Variants in CAP2 observed in about 807,000 individuals in gnomAD.
The protein encoded by CAP2 is cyclase associated actin cytoskeleton regulatory protein 2, also known as adenylyl cyclase-associated protein 2.
In CAP2, 24 loss-of-function variants were observed where a neutral mutation model predicts 57.7. The ratio of observed to expected loss-of-function variants is 0.42; its 90% CI spans 0.30 to 0.58. CAP2 has a LOEUF of 0.58. CAP2 is among the 20% of genes least tolerant of loss of function. The pLI is 0.22. For synonymous variants in CAP2, 194 were observed against 207.2 expected, an observed-to-expected ratio of 0.94 and a Z score of 0.55; for missense variants, 501 against 590.3, an observed-to-expected ratio of 0.85 and a Z score of 1.57.
intron 4 of CAP2, among the ~76,000 whole-genome samples, chr6:17,499,029 A>C (rs961333489): frequency 6.6e-6 from 1 of 151,410 alleles, no homozygotes; most frequent in Non-Finnish European, 1.5e-5. Context: ...ACGCCCGGCC[A>C]GCTTGCTTTA....
At chr6:17,449,298 C>G (rs1413737823) in intron 3 of CAP2, among the ~76,000 whole-genome samples, 1 of 152,090 alleles carries the variant, frequency 6.6e-6, no homozygotes, top group Non-Finnish European at 1.5e-5. Flanking sequence ...GGATGGTTAT[C>G]TAGTAGTATT....
chr6:17,536,261 A>G (rs1445888876), intron 7 of CAP2: 3 of 456,766 alleles, frequency 6.6e-6, no homozygotes, highest in Non-Finnish European at 1.3e-5. Flanking sequence ...GGAGGCAAAG[A>G]TAAGTGACTT....
intron 4 of CAP2, among the ~76,000 whole-genome samples, chr6:17,477,153 C>T (rs1307261472): frequency 2.6e-5 from 4 of 152,100 alleles, no homozygotes; most frequent in Non-Finnish European, 5.9e-5. Context: ...GGATTACAGG[C>T]GTGAGCCACC....
At chr6:17,461,951 C>A (rs1409986726) in intron 3 of CAP2, among the ~76,000 whole-genome samples, 13 of 122,220 alleles carry the variant, frequency 1.1e-4, no homozygotes, top group Non-Finnish European at 1.9e-4. Context: ...TGAGATCGCA[C>A]CATTGCACTC....
chr6:17,503,878 G>A (rs766562463), intron 4 of CAP2, among the ~76,000 whole-genome samples: 2 of 152,204 alleles, frequency 1.3e-5, no homozygotes, highest in Non-Finnish European at 1.5e-5. Flanking sequence ...GTAGTTGTCA[G>A]AAGGGAAAGA....
At chr6:17,547,130 T>A (rs1481236209) in intron 11 of CAP2, among the ~76,000 whole-genome samples, 1 of 152,194 alleles carries the variant, frequency 6.6e-6, no homozygotes, top group Non-Finnish European at 1.5e-5. Flanking sequence ...ACAAAGGATG[T>A]GAAGGACCTC....
At chr6:17,551,191 G>T (rs1436107749) in intron 11 of CAP2, among the ~76,000 whole-genome samples, 1 of 152,178 alleles carries the variant, frequency 6.6e-6, no homozygotes, top group Non-Finnish European at 1.5e-5. Flanking sequence ...TCTAGCTGCT[G>T]TTTCCAAATT....
intron 3 of CAP2, among the ~76,000 whole-genome samples, chr6:17,427,544 C>G (rs1759624354): frequency 6.6e-6 from 1 of 151,132 alleles, no homozygotes; most frequent in Admixed American, 6.6e-5. Context: ...ACTGGAGCCT[C>G]TACGCACTGT....
intron 12 of CAP2, among the ~76,000 whole-genome samples, chr6:17,555,443 C>A (rs1243037560): frequency 2.6e-5 from 4 of 152,078 alleles, no homozygotes; most frequent in Non-Finnish European, 4.4e-5. Flanking sequence ...ATCCACCCAC[C>A]TTGGCCTCCC....
Position 17,414,284 on chromosome 6 carries a change from T to C in CAP2, c.-1-7271T>C, listed in dbSNP as rs182441487. Among the ~76,000 whole-genome samples, 474 of 145,584 alleles carry C rather than the reference T, an allele frequency of 3.3e-3. 4 individuals are homozygous for C. Among genetic ancestry groups the C allele is most frequent in the African/African-American group, 0.013 (456 of 35,068 alleles). On this transcript the variant is annotated intron_variant, in intron 1 of 12. Coordinates refer to ENST00000229922, the MANE Select transcript of CAP2 (RefSeq NM_006366.3). Reference sequence around the variant, plus strand: ...TCCTTTTTTTTTTCTTTATTTCTTCTTAAAAAAAACACTTTAAAAAATGGG... The same window carrying C: ...TCCTTTTTTTTTTCTTTATTTCTTCCTAAAAAAAACACTTTAAAAAATGGG...
chr6:17,543,262 G>A (rs1040634814), intron 11 of CAP2, 119 bp downstream of exon 11: 10 of 804,432 alleles, frequency 1.2e-5, no homozygotes, highest in Non-Finnish European at 2.1e-5. Context: ...GCTGTAATAA[G>A]CAGCCTTTCC....
chr6:17,549,465 C>CA (rs550642118), intron 11 of CAP2, among the ~76,000 whole-genome samples: 15 of 144,568 alleles, frequency 1.0e-4, no homozygotes, highest in South Asian at 2.2e-4. Context: ...ACTCCATCTT[C>CA]AAAAAAAAAG....
chr6:17,408,012 A>G (rs954019388), intron 1 of CAP2, among the ~76,000 whole-genome samples: 2 of 152,112 alleles, frequency 1.3e-5, no homozygotes, highest in Non-Finnish European at 2.9e-5. Context: ...GAGTTGCTGA[A>G]TCTTTTATTT....
At chr6:17,396,169 T>A (rs1306266528) in intron 1 of CAP2, among the ~76,000 whole-genome samples, 1 of 152,156 alleles carries the variant, frequency 6.6e-6, no homozygotes, top group African/African-American at 2.4e-5. Flanking sequence ...CTGGTGAGGA[T>A]GTGGAGGAAT....
chr6:17,434,166 C>T (rs1434877558), intron 3 of CAP2, among the ~76,000 whole-genome samples: 1 of 151,896 alleles, frequency 6.6e-6, no homozygotes, highest in Non-Finnish European at 1.5e-5. Flanking sequence ...CAAACTCTTG[C>T]TTCAATGTTT....
At chr6:17,466,954 A>G (rs979298985) in intron 4 of CAP2, among the ~76,000 whole-genome samples, 3 of 152,144 alleles carry the variant, frequency 2.0e-5, no homozygotes, top group Non-Finnish European at 4.4e-5. Flanking sequence ...AATGACTCAT[A>G]TAATTATTTA....
chr6:17,472,663 G>T (rs1156821067), intron 4 of CAP2, among the ~76,000 whole-genome samples: 5 of 152,148 alleles, frequency 3.3e-5, no homozygotes, highest in African/African-American at 1.2e-4. Flanking sequence ...GCATGTGACG[G>T]CTACTGCCCG....
chr6:17,401,156 T>A (rs956902020), intron 1 of CAP2, among the ~76,000 whole-genome samples: 2 of 152,168 alleles, frequency 1.3e-5, no homozygotes, highest in Non-Finnish European at 2.9e-5. Flanking sequence ...GTGATGGTAT[T>A]AGGAGTGGAA....
intron 3 of CAP2, among the ~76,000 whole-genome samples, chr6:17,450,818 G>A (rs1171622673): frequency 3.3e-5 from 5 of 151,952 alleles, no homozygotes; most frequent in African/African-American, 1.2e-4. Flanking sequence ...AAATGTAAGG[G>A]CATTAAAAAT....
Sources: gnomAD v4.1 joint callset for allele counts (sites outside exome capture counted in the v4.1 genomes callset) on GRCh38, gnomAD v4.1.1 for gene constraint, MANE v1.5 for transcripts, NCBI Gene and HGNC (gene_info 2026-07-23, HGNC 2026-07-21) for gene names.